The following ZDHHC15 variants were observed in gnomAD, a reference collection of about 807,000 sequenced individuals.
ZDHHC15 encodes the protein palmitoyltransferase ZDHHC15.
Under a neutral mutation model 31.7 loss-of-function variants are expected in ZDHHC15, and 19 were observed. That is an observed-to-expected ratio of 0.60 (90% CI 0.42 to 0.88). The LOEUF (loss-of-function observed/expected upper bound fraction) is 0.88. ZDHHC15 is among the 40% of genes least tolerant of loss of function. ZDHHC15 has a pLI of 0.00. For synonymous variants in ZDHHC15, 103 were observed against 90.0 expected (o/e 1.14, Z -0.82); for missense variants, 209 against 251.2 (o/e 0.83, Z 1.14).
At chrX:75,441,867 C>A (rs1351344067) in intron 4 of ZDHHC15, among the ~76,000 whole-genome samples, 1 of 110,462 alleles carries the variant, frequency 9.1e-6, no homozygotes, top group Non-Finnish European at 1.9e-5. Flanking sequence ...TCGTGATCCA[C>A]CCACCTCAGC....
At chrX:75,516,888 A>G (rs1296286645) in intron 1 of ZDHHC15, among the ~76,000 whole-genome samples, 1 of 112,377 alleles carries the variant, frequency 8.9e-6, no homozygotes, top group African/African-American at 3.2e-5. Context: ...ACAAATTTAC[A>G]AGAAAAAATC....
chrX:75,378,858 G>C (rs753957677), intron 11 of ZDHHC15, among the ~76,000 whole-genome samples: 1 of 111,305 alleles, frequency 9.0e-6, no homozygotes, highest in East Asian at 2.8e-4. Flanking sequence ...TTAACGGAAT[G>C]TTTGGGTGTC....
At chrX:75,436,465 C>T (rs183019524) in intron 4 of ZDHHC15, among the ~76,000 whole-genome samples, 3 of 111,801 alleles carry the variant, frequency 2.7e-5, no homozygotes, top group Non-Finnish European at 5.6e-5. Context: ...TTGATGTAGG[C>T]ACTTAATGCT....
chrX:75,500,656 T>C (rs1411240791), intron 2 of ZDHHC15, among the ~76,000 whole-genome samples: 2 of 110,148 alleles, frequency 1.8e-5, no homozygotes. Flanking sequence ...AACAAAAATA[T>C]CTATATTTAA....
intron 10 of ZDHHC15, among the ~76,000 whole-genome samples, chrX:75,416,476 A>T: frequency 8.9e-6 from 1 of 112,147 alleles, no homozygotes; most frequent in Middle Eastern, 4.6e-3. Context: ...GAGACAAGGA[A>T]TAGGGCTGGC....
intron 2 of ZDHHC15, among the ~76,000 whole-genome samples, chrX:75,505,607 A>C (rs1261777770): frequency 9.0e-6 from 1 of 111,137 alleles, no homozygotes; most frequent in Non-Finnish European, 1.9e-5. Flanking sequence ...ATAAATCCTG[A>C]TAATTTCCAA....
intron 3 of ZDHHC15, among the ~76,000 whole-genome samples, chrX:75,470,905 A>G (rs981457221): frequency 1.8e-5 from 2 of 111,945 alleles, no homozygotes; most frequent in African/African-American, 6.5e-5. Context: ...AAACAGTATC[A>G]CATCCCTGGA....
Position 75,378,018 on chromosome X carries a change from A to G in ZDHHC15, c.*32+1102T>C, listed in dbSNP as rs200832552. Among the ~76,000 whole-genome samples the G allele has an allele frequency of 8.0e-5, 9 of 112,370 alleles. No individual in the cohort carries two copies. In the East Asian group the frequency reaches 2.5e-3, roughly 31 times the overall value. On this transcript the variant is annotated intron_variant, in intron 11 of 11. Transcript: ENST00000373367. ...ATATTACTATCATATAAGTTGTCTT[A>G]CCTAAACATCAAACATTTCATCAGG... is the stretch of plus-strand genomic sequence containing the variant.
Position 75,372,881 on chromosome X carries a change from T to C in ZDHHC15, c.*97A>G, listed in dbSNP as rs774897598. On this transcript the variant is annotated 3_prime_UTR_variant, in exon 12 of 12. Transcript: ENST00000373367. ...TTCAATCCAACACGGTGACTTATTTTGAAGATTACAATGATTTCCAACATT... is the reference window on the plus strand; with the variant it reads ...TTCAATCCAACACGGTGACTTATTTCGAAGATTACAATGATTTCCAACATT... The C allele has an allele frequency of 8.9e-6, 1 of 111,952 alleles. No individual in the cohort carries two copies. The highest frequency in any genetic ancestry group is 3.2e-5 in the African/African-American group (1 of 30,811). The allele number at this position is 111,952 out of a possible 1,213,427, so 9.2% of individuals were successfully genotyped here. A position where few individuals can be genotyped will look rare whatever the true frequency, so the allele number is the denominator to read the frequency against.
At chrX:75,518,748 G>T (rs1379003303) in intron 1 of ZDHHC15, among the ~76,000 whole-genome samples, 3 of 74,555 alleles carry the variant, frequency 4.0e-5, no homozygotes, top group African/African-American at 1.6e-4. Flanking sequence ...GGCCATTAAT[G>T]GATGAATGGA....
chrX:75,416,265 C>T (rs999449500), intron 10 of ZDHHC15, among the ~76,000 whole-genome samples: 28 of 111,811 alleles, frequency 2.5e-4, no homozygotes, highest in African/African-American at 9.1e-4. Context: ...TCTACCGCTG[C>T]TCCCACTTCA....
chrX:75,493,343 G>C (rs752090235), intron 2 of ZDHHC15, among the ~76,000 whole-genome samples: 5 of 111,625 alleles, frequency 4.5e-5, no homozygotes, highest in East Asian at 2.8e-4. Context: ...CAGCCGAATT[G>C]TACCAGAGGT....
intron 10 of ZDHHC15, among the ~76,000 whole-genome samples, chrX:75,393,307 ACT>A (rs1176872309): frequency 1.8e-5 from 2 of 110,438 alleles, no homozygotes; most frequent in African/African-American, 6.6e-5. Context: ...CTGAAATAAG[ACT>A]CTCACTGAGG....
intron 10 of ZDHHC15, among the ~76,000 whole-genome samples, chrX:75,413,380 T>C (rs1375015802): frequency 1.8e-5 from 2 of 111,381 alleles, no homozygotes; most frequent in African/African-American, 3.3e-5. Context: ...AATCAAAGAG[T>C]TCGGCAACTA....
At chrX:75,495,417 C>A (rs1410828043) in intron 2 of ZDHHC15, among the ~76,000 whole-genome samples, 2 of 111,156 alleles carry the variant, frequency 1.8e-5, no homozygotes, top group Admixed American at 1.9e-4. Flanking sequence ...TTGACCCAGC[C>A]ATCCCATTAC....
chrX:75,377,095 CAAATATCACTGTAGT>C (rs1389545269), intron 11 of ZDHHC15, among the ~76,000 whole-genome samples: 1 of 111,663 alleles, frequency 9.0e-6, no homozygotes, highest in Non-Finnish European at 1.9e-5. Context: ...GAGCTTTTTA[CAAATATCACTGTAGT>C]AATTATCTAC....
At chrX:75,457,093 T>C (rs897832377) in intron 3 of ZDHHC15, among the ~76,000 whole-genome samples, 1 of 112,058 alleles carries the variant, frequency 8.9e-6, no homozygotes, top group Admixed American at 9.5e-5. Context: ...AACTGATATT[T>C]AGAAAAAATC....
intron 11 of ZDHHC15, among the ~76,000 whole-genome samples, chrX:75,373,926 G>GTTTTCTTTTTTTTT (rs761440416): frequency 4.0e-5 from 2 of 50,456 alleles, no homozygotes; most frequent in Non-Finnish European, 3.4e-5. Flanking sequence ...CATTCTTTCT[G>GTTTTCTTTTTTTTT]TTTTTTTTTT....
intron 10 of ZDHHC15, among the ~76,000 whole-genome samples, chrX:75,398,221 A>G (rs762879606): frequency 2.9e-4 from 33 of 112,309 alleles, no homozygotes; most frequent in African/African-American, 1.1e-3. Context: ...GCGAGCCACC[A>G]TCTTTGCTTT....
Sources: allele counts gnomAD v4.1 joint callset (sites outside exome capture counted in the v4.1 genomes callset), GRCh38; gene constraint gnomAD v4.1.1; transcripts MANE v1.5; gene names NCBI Gene and HGNC (gene_info 2026-07-23, HGNC 2026-07-21).